Variants in AKR1C8 observed in about 807,000 individuals in gnomAD.
AKR1C8 encodes the protein aldo-keto reductase family 1 member C-like protein 1.
chr10:5,156,095 C>T, the AKR1C8 span, among the ~76,000 whole-genome samples: 2 of 152,176 alleles, frequency 1.3e-5, no homozygotes, highest in Admixed American at 1.3e-4. Flanking sequence ...AAAATAACTG[C>T]CACCTGGACA....
At chr10:5,118,182 T>A in the AKR1C8 span, among the ~76,000 whole-genome samples, 138 of 152,312 alleles carry the variant, frequency 9.1e-4, 2 homozygotes, top group African/African-American at 3.2e-3. Flanking sequence ...ACAACCATGT[T>A]ATCCATTGTG....
the AKR1C8 span, among the ~76,000 whole-genome samples, chr10:5,144,566 G>A: frequency 6.6e-6 from 1 of 151,068 alleles, no homozygotes; most frequent in Non-Finnish European, 1.5e-5. Context: ...GTGGTTTGTA[G>A]TTCTCCTTGA....
At chr10:5,140,362 G>C in the AKR1C8 span, among the ~76,000 whole-genome samples, 1 of 152,200 alleles carries the variant, frequency 6.6e-6, no homozygotes, top group South Asian at 2.1e-4. Context: ...GTTTACTGCA[G>C]CACTATTCAC....
chr10:5,124,260 CAATAAT>C, the AKR1C8 span, among the ~76,000 whole-genome samples: 1 of 151,978 alleles, frequency 6.6e-6, no homozygotes, highest in Non-Finnish European at 1.5e-5. Flanking sequence ...ACATCAAAAA[CAATAAT>C]AAGTAAAATC....
the AKR1C8 span, among the ~76,000 whole-genome samples, chr10:5,168,584 A>C: frequency 6.6e-6 from 1 of 152,162 alleles, no homozygotes; most frequent in Non-Finnish European, 1.5e-5. Context: ...ATCTAACTTA[A>C]GTGCTTGATC....
At chr10:5,115,975 AC>A in the AKR1C8 span, among the ~76,000 whole-genome samples, 3 of 152,158 alleles carry the variant, frequency 2.0e-5, no homozygotes, top group Non-Finnish European at 4.4e-5. Flanking sequence ...ACCTATGTAT[AC>A]CTGATATACA....
At chr10:5,160,926 C>A in the AKR1C8 span, 1 of 470,308 alleles carries the variant, frequency 2.1e-6, no homozygotes, top group Non-Finnish European at 4.4e-6. Context: ...AGGACATTTT[C>A]TATGGAATTC....
chr10:5,140,566 A>G, the AKR1C8 span, among the ~76,000 whole-genome samples: 1 of 149,116 alleles, frequency 6.7e-6, no homozygotes, highest in Non-Finnish European at 1.5e-5. Context: ...CAAACACCAC[A>G]TGTTCTCACT....
the AKR1C8 span, among the ~76,000 whole-genome samples, chr10:5,151,709 A>T: frequency 6.6e-6 from 1 of 151,908 alleles, no homozygotes; most frequent in Non-Finnish European, 1.5e-5. Flanking sequence ...GGCACACACC[A>T]CCATGCCTGG....
chr10:5,182,163 C>G, the AKR1C8 span, among the ~76,000 whole-genome samples: 6 of 152,054 alleles, frequency 3.9e-5, no homozygotes, highest in Non-Finnish European at 5.9e-5. Flanking sequence ...TACCTGGTTC[C>G]TCTGAAATTC....
the AKR1C8 span, chr10:5,123,921 T>G: frequency 8.1e-7 from 1 of 1,235,030 alleles, no homozygotes; most frequent in Admixed American, 2.7e-5. Flanking sequence ...TAAATATGTG[T>G]AGCATCAAAT....
the AKR1C8 span, among the ~76,000 whole-genome samples, chr10:5,121,137 T>C: frequency 1.3e-5 from 2 of 152,166 alleles, no homozygotes; most frequent in African/African-American, 2.4e-5. Context: ...ATAAAAAATT[T>C]CATTTTTTCC....
chr10:5,125,455 C>G, the AKR1C8 span, among the ~76,000 whole-genome samples: 1 of 152,082 alleles, frequency 6.6e-6, no homozygotes, highest in Non-Finnish European at 1.5e-5. Flanking sequence ...ACCTGAGAAA[C>G]CAGAATACCT....
At chr10:5,130,574 A>G in the AKR1C8 span, among the ~76,000 whole-genome samples, 1 of 152,022 alleles carries the variant, frequency 6.6e-6, no homozygotes, top group Non-Finnish European at 1.5e-5. Flanking sequence ...CAAATTCAGT[A>G]AAGTATCAGG....
chr10:5,144,429 A>AT, the AKR1C8 span, among the ~76,000 whole-genome samples: 1 of 152,084 alleles, frequency 6.6e-6, no homozygotes, highest in African/African-American at 2.4e-5. Flanking sequence ...TGGTAGCTTG[A>AT]TGGGGATGGC....
chr10:5,118,788 G>A, the AKR1C8 span, among the ~76,000 whole-genome samples: 1 of 152,110 alleles, frequency 6.6e-6, no homozygotes, highest in African/African-American at 2.4e-5. Context: ...GAGAGCAAAG[G>A]GGAAGTTTTC....
chr10:5,184,938 C>A, the AKR1C8 span: 1 of 499,636 alleles, frequency 2.0e-6, no homozygotes, highest in Non-Finnish European at 4.1e-6. Context: ...TACCCAAGTG[C>A]AGGGCTCTTG....
chr10:5,179,444 A>G, the AKR1C8 span, among the ~76,000 whole-genome samples: 1 of 151,982 alleles, frequency 6.6e-6, no homozygotes, highest in African/African-American at 2.4e-5. Flanking sequence ...GGTGAATCTG[A>G]CAATTATGTA....
At chr10:5,162,977 T>G in the AKR1C8 span, 1 of 534,464 alleles carries the variant, frequency 1.9e-6, no homozygotes, top group Non-Finnish European at 3.8e-6. Context: ...GAAGCCTACG[T>G]CAATAGCCAC....
Sources: allele counts gnomAD v4.1 joint callset (sites outside exome capture counted in the v4.1 genomes callset), GRCh38; gene constraint gnomAD v4.1.1; transcripts MANE v1.5; gene names NCBI Gene and HGNC (gene_info 2026-07-23, HGNC 2026-07-21).